KMT2C: variants seen among roughly 807,000 people sequenced by gnomAD.
KMT2C encodes lysine methyltransferase 2C, also known as histone-lysine N-methyltransferase 2C.
KMT2C carries 88 observed loss-of-function variants against 507.9 expected under a neutral mutation model. The observed-to-expected ratio is 0.17, with a 90% CI of 0.15 to 0.21. The LOEUF (loss-of-function observed/expected upper bound fraction) is 0.21, where lower values mean the gene tolerates loss of function less well. Ranked by LOEUF, KMT2C falls within the 10% of genes least tolerant of loss-of-function variation. The pLI, the probability that KMT2C is intolerant of heterozygous loss-of-function variation, is 1.00. For missense variants in KMT2C, 4,954 were observed against 5,957.8 expected (o/e 0.83, Z 5.55); for synonymous variants, 2,049 against 2,080.8 (o/e 0.98, Z 0.42).
At chr7:152,383,786 G>C (rs1439194433) in intron 1 of KMT2C, among the ~76,000 whole-genome samples, 4 of 152,168 alleles carry the variant, frequency 2.6e-5, no homozygotes, top group African/African-American at 9.7e-5. Context: ...CTACCTTAGA[G>C]GGTTGTCACA....
intron 1 of KMT2C, among the ~76,000 whole-genome samples, chr7:152,374,550 G>A (rs576769235): frequency 2.0e-5 from 3 of 152,214 alleles, no homozygotes; most frequent in African/African-American, 7.2e-5. Context: ...AGCAAAGAGT[G>A]ATAACACACT....
intron 43 of KMT2C, 144 bp downstream of exon 43, chr7:152,161,973 A>C: frequency 1.2e-6 from 1 of 869,218 alleles, no homozygotes. Context: ...GGTTCCAGAG[A>C]GGTAGAAATG....
At chr7:152,294,634 C>T (rs1353675168) in intron 6 of KMT2C, among the ~76,000 whole-genome samples, 2 of 150,242 alleles carry the variant, frequency 1.3e-5, no homozygotes, top group East Asian at 1.9e-4. Context: ...CCCTCTCTGC[C>T]GGACCCGCCA....
chr7:152,252,659 A>T lies in KMT2C; in HGVS notation c.1356T>A (p.Asn452Lys), dbSNP rs1454772066. The stretch of plus-strand genomic sequence containing the variant: ...GGTAACAATTGTCACATATCAGGCA[A>T]TTGTGGTGCCACTGAGAACTAGACC... The part of the protein sequence containing the change: ...GTRSSSQWHH[N>K]CLICDNCYQQ... The change falls in exon 10 of 59, where the codon AAT (asparagine) becomes AAA (lysine). Residue 452 changes from asparagine to lysine, a missense_variant. Physicochemically the swap from Asn to Lys is moderately conservative, Grantham distance 94 (BLOSUM62 0). Around this residue, in one of 29 missense-constraint regions of KMT2C, gnomAD observed 376 missense variants for 352.4 expected, o/e 1.07. Transcript: ENST00000262189. The T allele has an allele frequency of 1.2e-6, 2 of 1,613,564 alleles. No individual in the cohort carries two copies. Among genetic ancestry groups the T allele is most frequent in the Non-Finnish European group, 1.7e-6 (2 of 1,179,596 alleles).
At chr7:152,376,215 C>G (rs1055884523) in intron 1 of KMT2C, among the ~76,000 whole-genome samples, 1 of 152,232 alleles carries the variant, frequency 6.6e-6, no homozygotes, top group African/African-American at 2.4e-5. Flanking sequence ...CCCTATCTCT[C>G]TTTCTCCCTC....
At chr7:152,401,361 T>C (rs1344595893) in intron 1 of KMT2C, among the ~76,000 whole-genome samples, 3 of 150,298 alleles carry the variant, frequency 2.0e-5, no homozygotes, top group African/African-American at 7.3e-5. Flanking sequence ...ATTACAGGTG[T>C]GAGCCACCAC....
intron 1 of KMT2C, among the ~76,000 whole-genome samples, chr7:152,374,641 G>A (rs565483234): frequency 3.9e-5 from 6 of 152,034 alleles, no homozygotes; most frequent in South Asian, 2.1e-4. Flanking sequence ...GCTCATGCCT[G>A]TAATCCCAGC....
intron 11 of KMT2C, among the ~76,000 whole-genome samples, chr7:152,251,276 A>G (rs1225928635): frequency 1.3e-5 from 2 of 152,210 alleles, no homozygotes; most frequent in East Asian, 1.9e-4. Flanking sequence ...GTGAGAACCC[A>G]TCTCTAAAAC....
chr7:152,268,331 C>T (rs1243088266), intron 7 of KMT2C, among the ~76,000 whole-genome samples: 1 of 152,044 alleles, frequency 6.6e-6, no homozygotes, highest in East Asian at 1.9e-4. Context: ...CACCCAAATA[C>T]CTTTAGTTGT....
In KMT2C at chr7:152,423,719, A is replaced by G. The variant is rs185554438; in HGVS notation, c.161+11907T>C. 2.0e-5 allele frequency among the ~76,000 whole-genome samples: 3 copies of G among 152,334 alleles called. No homozygotes were observed. The East Asian group carries it at 5.8e-4, about 29-fold the overall frequency. Reference sequence around the variant, plus strand: ...AAGTCATTATTATTACGGGGTTTTCAATCACATAAAGACAAACCTAGTCCT... The same window carrying G: ...AAGTCATTATTATTACGGGGTTTTCGATCACATAAAGACAAACCTAGTCCT... On this transcript the variant is annotated intron_variant, in intron 1 of 58. Coordinates refer to ENST00000262189, the MANE Select transcript of KMT2C (RefSeq NM_170606.3).
intron 2 of KMT2C, among the ~76,000 whole-genome samples, chr7:152,349,876 C>T (rs527432167): frequency 6.6e-5 from 10 of 152,152 alleles, no homozygotes; most frequent in African/African-American, 2.2e-4. Flanking sequence ...AGGCTATGCA[C>T]GTGTCGGGGA....
At position 152,253,512 on chromosome 7, in the gene KMT2C, T is replaced by TA. The variant is rs1349397303; in HGVS notation, c.1300-798dup. Among the ~76,000 whole-genome samples the TA allele has an allele frequency of 3.8e-4, 5 of 13,214 alleles. 1 individual carries two copies. The South Asian group carries it at 0.011, about 30-fold the overall frequency. The allele number at this position is 13,214 out of a possible 152,430, so 8.7% of individuals were successfully genotyped here. A position where few individuals can be genotyped will look rare whatever the true frequency, so the allele number is the denominator to read the frequency against. On this transcript the variant is annotated intron_variant, in intron 9 of 58. Transcript: ENST00000262189. ...CAAGAAGGCAAAACACCTCTTTCTC[T>TA]ACAAAAAAAAAAAAAAAAAAAAAAA... is the stretch of plus-strand genomic sequence containing the variant.
intron 1 of KMT2C, among the ~76,000 whole-genome samples, chr7:152,435,165 C>T (rs927698636): frequency 6.6e-6 from 1 of 152,092 alleles, no homozygotes; most frequent in African/African-American, 2.4e-5. Flanking sequence ...CCCCAGCCCG[C>T]GCCCCGAGAC....
At chr7:152,192,039 A>G (rs1016790308) in intron 31 of KMT2C, among the ~76,000 whole-genome samples, 1 of 148,906 alleles carries the variant, frequency 6.7e-6, no homozygotes, top group African/African-American at 2.4e-5. Context: ...TTGCAAAAGA[A>G]AAAAAAAAAA....
Position 152,138,959 on chromosome 7 carries a change from A to G in KMT2C, c.14535-55T>C. ...TGTAAAACAGCTAGAAGCAGCTTTA[A>G]AAACTTCCCATTTATTGATAAAGCA... On this transcript the variant is annotated intron_variant, in intron 57 of 58. Coordinates refer to ENST00000262189, the MANE Select transcript of KMT2C (RefSeq NM_170606.3). The surrounding 1 kb of genome is among the most constrained non-coding windows in gnomAD (Gnocchi z 4.2). 1 of 1,349,450 alleles carries G rather than the reference A, an allele frequency of 7.4e-7. No individual in the cohort carries two copies. The highest frequency in any genetic ancestry group is 1.2e-5 in the South Asian group (1 of 84,172). The allele number at this position is 1,349,450 out of a possible 1,614,324, so 83.6% of individuals were successfully genotyped here.
At chr7:152,368,068 T>TA (rs1246172506) in intron 1 of KMT2C, 1 of 879,646 alleles carries the variant, frequency 1.1e-6, no homozygotes, top group Non-Finnish European at 1.9e-6. Flanking sequence ...GCTAAAAAGG[T>TA]AAAGGACTGT....
chr7:152,238,457 T>C (rs1167536747), intron 15 of KMT2C, among the ~76,000 whole-genome samples: 1 of 152,268 alleles, frequency 6.6e-6, no homozygotes, highest in African/African-American at 2.4e-5. Context: ...TTGGTCTACA[T>C]GTCAAGGACT....
intron 28 of KMT2C, 106 bp from the exon 29 acceptor site, chr7:152,194,674 G>A (rs2129129984): frequency 1.3e-6 from 1 of 743,226 alleles, no homozygotes; most frequent in South Asian, 2.6e-5. Flanking sequence ...GATTAAAATA[G>A]AGAAATAAAG....
rs775922637 is a variant in KMT2C, at chr7:152,156,216, A to G, written c.11801T>C (p.Val3934Ala). ...GGCTATAATCATACCTTCATGGCTC[A>G]CTAACACTCCGGCTTTTCCAGCAAG... ...EELAGKAGVL[V>A]SHEVTKTLGP... Residue 3934 changes from valine to alanine, a missense_variant, in exon 45 of 59, where the codon GTG becomes GCG. Val to Ala is a moderately conservative substitution (Grantham distance 64, BLOSUM62 0). Transcript: ENST00000262189. The G allele has an allele frequency of 1.2e-6, 2 of 1,614,168 alleles. No individual in the cohort carries two copies. Among genetic ancestry groups the G allele is most frequent in the South Asian group, 2.2e-5 (2 of 91,088 alleles).
Sources: allele counts gnomAD v4.1 joint callset (sites outside exome capture counted in the v4.1 genomes callset), GRCh38; gene constraint gnomAD v4.1.1; regional missense constraint gnomAD v4.1.1; non-coding constraint Gnocchi (gnomAD v3.1); transcripts MANE v1.5; gene names NCBI Gene and HGNC (gene_info 2026-07-23, HGNC 2026-07-21).